ZMYND8: variants seen among roughly 807,000 people sequenced by gnomAD.
The protein encoded by ZMYND8 is zinc finger MYND-type containing 8.
Under a neutral mutation model 140.8 loss-of-function variants are expected in ZMYND8, and 37 were observed. The observed-to-expected ratio is 0.26, with a 90% CI of 0.20 to 0.35. The LOEUF (loss-of-function observed/expected upper bound fraction) is 0.35. Ranked by LOEUF, ZMYND8 falls within the 10% of genes least tolerant of loss-of-function variation. ZMYND8 has a pLI of 1.00. For missense variants in ZMYND8, 1,068 were observed against 1,570.0 expected (o/e 0.68, Z 5.40); for synonymous variants, 592 against 597.1 (o/e 0.99, Z 0.12).
intron 5 of ZMYND8, among the ~76,000 whole-genome samples, chr20:47,293,153 A>T (rs2077392841): frequency 2.1e-5 from 1 of 47,668 alleles, no homozygotes; most frequent in South Asian, 8.8e-4. Context: ...GAAGGAAGGG[A>T]GGGAGGGAGG....
At chr20:47,353,391 T>TA (rs1270977303) in intron 1 of ZMYND8, 2 of 152,244 alleles carry the variant, frequency 1.3e-5, no homozygotes, top group African/African-American at 4.8e-5. Context: ...TTTGAGCTGT[T>TA]AATTATAAAA....
At chr20:47,267,557 C>A (rs907431786) in intron 11 of ZMYND8, among the ~76,000 whole-genome samples, 1 of 152,004 alleles carries the variant, frequency 6.6e-6, no homozygotes, top group East Asian at 1.9e-4. Context: ...CCATGGAGAC[C>A]CCGTAAGCAC....
At chr20:47,224,923 C>CA (rs1473274485) in intron 18 of ZMYND8, among the ~76,000 whole-genome samples, 3 of 152,180 alleles carry the variant, frequency 2.0e-5, no homozygotes, top group African/African-American at 7.2e-5. Flanking sequence ...TCCCCCCTAT[C>CA]AATCAAATAC....
Position 47,239,146 on chromosome 20 carries a change from A to T in ZMYND8, c.2285-8T>A. 6.7e-6 allele frequency: 10 copies of T among 1,485,296 alleles called. No individual in the cohort carries two copies. The highest frequency in any genetic ancestry group is 8.9e-6 in the Non-Finnish European group (10 of 1,123,106). The allele number at this position is 1,485,296 out of a possible 1,614,324, so 92.0% of individuals were successfully genotyped here. On this transcript the variant is annotated splice_polypyrimidine_tract_variant and splice_region_variant and intron_variant, in intron 14 of 22. Transcript: ENST00000471951. ...GTGGAGTTTTACCTACAACTAGCCA[A>T]TGCATGAAGAAAAAACAAACAAAAA...
intron 5 of ZMYND8, among the ~76,000 whole-genome samples, chr20:47,292,997 A>C (rs991142843): frequency 4.8e-5 from 7 of 146,880 alleles, no homozygotes; most frequent in Admixed American, 2.0e-4. Flanking sequence ...CAGGAGGTTG[A>C]TGCTGCAGTA....
chr20:47,216,498 A>AG (rs2036137036), intron 21 of ZMYND8, among the ~76,000 whole-genome samples: 1 of 119,624 alleles, frequency 8.4e-6, no homozygotes, highest in South Asian at 3.1e-4. Context: ...TCTGTCTCAA[A>AG]AAAAAAAAAA....
At chr20:47,273,968 A>C (rs763488580) in intron 11 of ZMYND8, among the ~76,000 whole-genome samples, 5 of 152,206 alleles carry the variant, frequency 3.3e-5, no homozygotes, top group Admixed American at 6.5e-5. Flanking sequence ...AAAATGACCT[A>C]AGCACATACC....
At chr20:47,241,815 TTTTC>T (rs1486967482) in intron 14 of ZMYND8, among the ~76,000 whole-genome samples, 2 of 150,158 alleles carry the variant, frequency 1.3e-5, no homozygotes, top group East Asian at 3.9e-4. Flanking sequence ...CCTCTTTTTC[TTTTC>T]TTTTTTTTTT....
At chr20:47,303,014 C>G (rs2078186635) in intron 3 of ZMYND8, among the ~76,000 whole-genome samples, 2 of 152,166 alleles carry the variant, frequency 1.3e-5, no homozygotes, top group Admixed American at 1.3e-4. Context: ...CTCTAACACC[C>G]TCACACACGT....
Position 47,240,509 on chromosome 20 carries a change from G to A in ZMYND8, c.2285-1371C>T, listed in dbSNP as rs563841320. Among the ~76,000 whole-genome samples, 5 of 151,876 alleles carry A rather than the reference G, an allele frequency of 3.3e-5. No homozygotes were observed. In the South Asian group the frequency reaches 6.3e-4, roughly 19 times the overall value. ...AGCCTGGGTGACAGGGTGAGACTCCGTCTCAAAATAATAATAATAATAAAT... is the reference window on the plus strand; with the variant it reads ...AGCCTGGGTGACAGGGTGAGACTCCATCTCAAAATAATAATAATAATAAAT... On this transcript the variant is annotated intron_variant, in intron 14 of 22. Coordinates refer to ENST00000471951, the MANE Select transcript of ZMYND8 (RefSeq NM_001281775.3).
At chr20:47,212,350 T>C (rs1017619865) in intron 22 of ZMYND8, among the ~76,000 whole-genome samples, 1 of 152,194 alleles carries the variant, frequency 6.6e-6, no homozygotes, top group Non-Finnish European at 1.5e-5. Flanking sequence ...CTGGCTGCCA[T>C]AGCCAATCAC....
chr20:47,244,883 C>A (rs1325436212), intron 14 of ZMYND8, among the ~76,000 whole-genome samples: 1 of 152,090 alleles, frequency 6.6e-6, no homozygotes, highest in African/African-American at 2.4e-5. Flanking sequence ...ATGGTGAAAC[C>A]CTGTTTCTAC....
At chr20:47,241,763 T>C (rs898159302) in intron 14 of ZMYND8, among the ~76,000 whole-genome samples, 2 of 151,918 alleles carry the variant, frequency 1.3e-5, no homozygotes, top group Non-Finnish European at 2.9e-5. Flanking sequence ...TCTTGGACTA[T>C]GCTCCCTGAC....
rs1305231230 is a variant in ZMYND8, at chr20:47,249,349, T to C, written c.1712A>G (p.Gln571Arg). ...ATTCAGCTGGAACCTGCTACGAATC[T>C]GGCGCTTGGGAGAGATGAGAGGAAC... ...TPVPLISPKR[Q>R]IRSRFQLNLD... The change falls in exon 13 of 23, where the codon CAG becomes CGG. Residue 571 changes from glutamine (Q) to arginine (R), a missense_variant. Gln to Arg is a conservative substitution (Grantham distance 43). Coordinates refer to ENST00000471951, the MANE Select transcript of ZMYND8 (RefSeq NM_001281775.3). 6.2e-7 allele frequency: 1 copy of C among 1,614,066 alleles called. No individual in the cohort carries two copies. The highest frequency in any genetic ancestry group is 8.5e-7 in the Non-Finnish European group (1 of 1,180,044).
chr20:47,294,314 T>C (rs1001052663), intron 5 of ZMYND8, among the ~76,000 whole-genome samples: 7 of 151,720 alleles, frequency 4.6e-5, no homozygotes, highest in Non-Finnish European at 1.0e-4. Flanking sequence ...ATCACACCAC[T>C]GCACTCCAGC....
chr20:47,221,343 A>C lies in ZMYND8; in HGVS notation c.3388T>G (p.Ser1130Ala), dbSNP rs2036908649. Reference protein sequence around the residue: ...TASASKEKETSAEKSKESGST... With the variant: ...TASASKEKETAAEKSKESGST... ...CCACTCTCCTTGCTTTTCTCAGCTG[A>C]CGTCTCCTTCTCTTTGGAGGCGCTG... The change falls in exon 20 of 23, where the codon TCA becomes GCA. Residue 1130 changes from serine (S) to alanine (A), a missense_variant. Ser to Ala is a moderately conservative substitution (Grantham distance 99). Coordinates refer to ENST00000471951, the MANE Select transcript of ZMYND8 (RefSeq NM_001281775.3). The C allele has an allele frequency of 1.2e-6, 2 of 1,614,086 alleles. No homozygotes were observed. Among genetic ancestry groups the C allele is most frequent in the Non-Finnish European group, 1.7e-6 (2 of 1,180,010 alleles).
chr20:47,319,014 G>A lies in ZMYND8; in HGVS notation c.86-8810C>T, dbSNP rs539140750. ...CTCTCTTGTTCAAAAGAGAACAGAG[G>A]CTCACCCACAGCAGACATTCCTGCT... On this transcript the variant is annotated intron_variant, in intron 2 of 22. Coordinates refer to ENST00000471951, the MANE Select transcript of ZMYND8 (RefSeq NM_001281775.3). The A allele has an allele frequency of 1.5e-5, 20 of 1,351,354 alleles. No individual in the cohort carries two copies. The African/African-American group carries it at 2.8e-4, about 19-fold the overall frequency. 83.7% of individuals were successfully genotyped at this position (1,351,354 alleles called of 1,614,324 possible). A position where few individuals can be genotyped will look rare whatever the true frequency, so the allele number is the denominator to read the frequency against.
chr20:47,328,092 A>T (rs1368123773), intron 2 of ZMYND8, among the ~76,000 whole-genome samples: 3 of 152,130 alleles, frequency 2.0e-5, no homozygotes, highest in African/African-American at 7.2e-5. Flanking sequence ...GACTACAGGC[A>T]TGAGCTACCA....
intron 3 of ZMYND8, among the ~76,000 whole-genome samples, chr20:47,307,279 C>T (rs1417087419): frequency 1.3e-5 from 2 of 151,356 alleles, no homozygotes; most frequent in Admixed American, 1.3e-4. Context: ...GGCGAAACTC[C>T]GTCTCTACCA....
Sources: gnomAD v4.1 joint callset for allele counts (sites outside exome capture counted in the v4.1 genomes callset) on GRCh38, gnomAD v4.1.1 for gene constraint, MANE v1.5 for transcripts, NCBI Gene and HGNC (gene_info 2026-07-23, HGNC 2026-07-21) for gene names.